EFNA5: variants seen among roughly 807,000 people sequenced by gnomAD.
EFNA5 encodes ephrin A5.
EFNA5 carries 5 observed loss-of-function variants against 22.9 expected under a neutral mutation model. The ratio of observed to expected loss-of-function variants is 0.22; its 90% confidence interval spans 0.11 to 0.46. The LOEUF (loss-of-function observed/expected upper bound fraction) is 0.46. Ranked by LOEUF, EFNA5 falls within the 20% of genes least tolerant of loss-of-function variation. EFNA5 has a pLI of 0.99. For missense variants in EFNA5, 237 were observed against 293.3 expected, an observed-to-expected ratio of 0.81 and a Z score of 1.40; for synonymous variants, 113 against 112.2, an observed-to-expected ratio of 1.01 and a Z score of -0.04.
chr5:107,617,405 T>C (rs941936222), intron 1 of EFNA5, among the ~76,000 whole-genome samples: 2 of 152,128 alleles, frequency 1.3e-5, no homozygotes, highest in Non-Finnish European at 2.9e-5. Context: ...CCTGGAGAGA[T>C]ATCAAAGTTG....
intron 1 of EFNA5, among the ~76,000 whole-genome samples, chr5:107,485,829 T>C: frequency 6.6e-6 from 1 of 152,194 alleles, no homozygotes. Flanking sequence ...CACCTTCTAC[T>C]GCGTATGAAT....
At chr5:107,590,539 C>T (rs551823543) in intron 1 of EFNA5, among the ~76,000 whole-genome samples, 2 of 152,232 alleles carry the variant, frequency 1.3e-5, no homozygotes, top group South Asian at 2.1e-4. Flanking sequence ...AAGGCATACA[C>T]CACTAGGCTG....
chr5:107,431,393 A>G (rs1294775184), intron 1 of EFNA5, among the ~76,000 whole-genome samples: 1 of 152,210 alleles, frequency 6.6e-6, no homozygotes, highest in African/African-American at 2.4e-5. Flanking sequence ...GAATGGAACC[A>G]TTCTTTTCTG....
At position 107,427,359 on chromosome 5, in the gene EFNA5, G is replaced by A; in HGVS notation, c.276C>T (p.His92=). Residue 92 remains histidine, a synonymous_variant, in exon 2 of 5, where the codon CAC becomes CAT. Coordinates refer to ENST00000333274, the MANE Select transcript of EFNA5 (RefSeq NM_001962.3). ...CCCATCTCTTGAACCCTTTGGAAGT[G>A]TGGTCGCAGGCACTGTAGCCATCAA... ...VNFDGYSACD[H]TSKGFKRWEC... The A allele has an allele frequency of 1.9e-6, 3 of 1,614,132 alleles. No homozygotes were observed. Among genetic ancestry groups the A allele is most frequent in the Non-Finnish European group, 2.5e-6 (3 of 1,180,004 alleles).
intron 1 of EFNA5, among the ~76,000 whole-genome samples, chr5:107,591,416 T>A (rs891270939): frequency 6.6e-6 from 1 of 152,120 alleles, no homozygotes; most frequent in African/African-American, 2.4e-5. Flanking sequence ...CTCTCCCTAT[T>A]CTTTCCACAG....
chr5:107,539,847 G>C (rs1437849244), intron 1 of EFNA5, among the ~76,000 whole-genome samples: 1 of 152,188 alleles, frequency 6.6e-6, no homozygotes, highest in East Asian at 1.9e-4. Context: ...ATTAAAAGGA[G>C]AAAGTAGGAG....
chr5:107,394,638 G>A (rs1747874058), intron 2 of EFNA5, among the ~76,000 whole-genome samples: 1 of 152,146 alleles, frequency 6.6e-6, no homozygotes, highest in African/African-American at 2.4e-5. Flanking sequence ...CCTACCCACT[G>A]TTTGCCTTCC....
chr5:107,398,251 C>A (rs1747980739), intron 2 of EFNA5, among the ~76,000 whole-genome samples: 1 of 152,296 alleles, frequency 6.6e-6, no homozygotes, highest in South Asian at 2.1e-4. Context: ...CTTTCCTTTG[C>A]CTCTCAAAAT....
intron 1 of EFNA5, among the ~76,000 whole-genome samples, chr5:107,558,970 T>C (rs1436518621): frequency 6.6e-6 from 1 of 152,238 alleles, no homozygotes; most frequent in Non-Finnish European, 1.5e-5. Context: ...GGCACTTTTA[T>C]GTTTAAGCCA....
rs77916124 is a variant in EFNA5, at chr5:107,496,336, C to CAAAAAAAAAAAAAA, written c.126-68841_126-68828dup. On this transcript the variant is annotated intron_variant, in intron 1 of 4. Coordinates refer to ENST00000333274, the MANE Select transcript of EFNA5 (RefSeq NM_001962.3). ...GGGCAACGAGAGCAAAATTCCATCT[C>CAAAAAAAAAAAAAA]AAAAAAAAAAAAAAAAACAAAAAAA... Among the ~76,000 whole-genome samples the CAAAAAAAAAAAAAA allele has an allele frequency of 7.8e-4, 62 of 79,814 alleles. 1 individual carries two copies. The highest frequency in any genetic ancestry group is 1.8e-3 in the East Asian group (4 of 2,216). 52.4% of individuals were successfully genotyped at this position (79,814 alleles called of 152,430 possible).
In EFNA5 at chr5:107,427,350, T is replaced by G; in HGVS notation, c.285A>C (p.Lys95Asn). 1 of 1,614,090 alleles carries G rather than the reference T, an allele frequency of 6.2e-7. No homozygotes were observed. The highest frequency in any genetic ancestry group is 8.5e-7 in the Non-Finnish European group (1 of 1,179,992). ...GGTTACATTCCCATCTCTTGAACCC[T>G]TTGGAAGTGTGGTCGCAGGCACTGT... ...DGYSACDHTSKGFKRWECNRP... is the reference protein window; with the variant it reads ...DGYSACDHTSNGFKRWECNRP... The change falls in exon 2 of 5, where the codon AAA becomes AAC. Residue 95 changes from lysine to asparagine, a missense_variant. Transcript: ENST00000333274.
intron 1 of EFNA5, among the ~76,000 whole-genome samples, chr5:107,560,241 A>AT (rs1385104435): frequency 3.3e-5 from 5 of 152,238 alleles, no homozygotes; most frequent in Admixed American, 6.5e-5. Flanking sequence ...AAGATTTTCA[A>AT]TTTTTACTTA....
At chr5:107,660,261 C>CATATATATATATATATATATAT (rs56838945) in intron 1 of EFNA5, among the ~76,000 whole-genome samples, 1 of 52,450 alleles carries the variant, frequency 1.9e-5, no homozygotes, top group Non-Finnish European at 3.9e-5. Context: ...ATGGCAAAAA[C>CATATATATATATATATATATAT]ATATATATAT....
At chr5:107,574,492 C>T (rs958292693) in intron 1 of EFNA5, among the ~76,000 whole-genome samples, 1 of 152,228 alleles carries the variant, frequency 6.6e-6, no homozygotes, top group Non-Finnish European at 1.5e-5. Context: ...CAACCTCTGG[C>T]TTCTCCATTC....
intron 2 of EFNA5, among the ~76,000 whole-genome samples, chr5:107,397,018 G>A (rs918850751): frequency 7.9e-5 from 12 of 152,106 alleles, no homozygotes; most frequent in South Asian, 4.2e-4. Context: ...TATAGATCCC[G>A]CACCATGCCC....
At chr5:107,619,801 A>G (rs377409294) in intron 1 of EFNA5, among the ~76,000 whole-genome samples, 1 of 152,082 alleles carries the variant, frequency 6.6e-6, no homozygotes, top group South Asian at 2.1e-4. Flanking sequence ...TAGCATCACA[A>G]TCCTTAGGCC....
intron 1 of EFNA5, among the ~76,000 whole-genome samples, chr5:107,591,872 ATAATATAT>A: frequency 2.4e-5 from 1 of 41,264 alleles, no homozygotes; most frequent in African/African-American, 1.6e-4. Context: ...AAATATATAT[ATAATATAT>A]AATATATATA....
rs182454746 is a variant in EFNA5, at chr5:107,588,758, T to A, written c.125+81731A>T. On this transcript the variant is annotated intron_variant, in intron 1 of 4. Transcript: ENST00000333274. ...GGGAAACAATGTGTGTAATAGAATGTAGAGAGGGATAGGAAGAGAGAGGAA... is the reference window on the plus strand; with the variant it reads ...GGGAAACAATGTGTGTAATAGAATGAAGAGAGGGATAGGAAGAGAGAGGAA... Among the ~76,000 whole-genome samples the A allele has an allele frequency of 3.3e-5, 5 of 152,302 alleles. No individual in the cohort carries two copies. In the East Asian group the frequency reaches 9.6e-4, roughly 29 times the overall value.
intron 1 of EFNA5, among the ~76,000 whole-genome samples, chr5:107,497,941 A>G (rs1018543241): frequency 5.9e-5 from 9 of 152,200 alleles, no homozygotes; most frequent in Non-Finnish European, 7.4e-5. Flanking sequence ...TTTGAGACGG[A>G]GTCTCAATCT....
Sources: gnomAD v4.1 joint callset for allele counts (sites outside exome capture counted in the v4.1 genomes callset) on GRCh38, gnomAD v4.1.1 for gene constraint, MANE v1.5 for transcripts, NCBI Gene and HGNC (gene_info 2026-07-23, HGNC 2026-07-21) for gene names.